The following NREP variants were observed in gnomAD, a reference collection of about 807,000 sequenced individuals.
NREP encodes neuronal regeneration related protein.
A neutral mutation model predicts 8.6 loss-of-function variants in NREP; 5 were observed. That is an observed-to-expected ratio of 0.58 (90% CI 0.30 to 1.22). The LOEUF is 1.22. Ranked by LOEUF, NREP falls within the 50% of genes most tolerant of loss-of-function variation. NREP has a pLI of 0.07. For synonymous variants in NREP, 27 were observed against 28.0 expected (o/e 0.96, Z 0.11); for missense variants, 86 against 82.5 (o/e 1.04, Z -0.17).
intron 1 of NREP, chr5:111,975,508 T>C (rs959870148): frequency 7.6e-6 from 5 of 655,422 alleles, no homozygotes; most frequent in African/African-American, 7.3e-5. Context: ...GGACACTGAC[T>C]GGCCAGGGTA....
chr5:111,865,138 T>G (rs1486418400), intron 2 of NREP, among the ~76,000 whole-genome samples: 1 of 152,126 alleles, frequency 6.6e-6, no homozygotes, highest in Non-Finnish European at 1.5e-5. Context: ...GTTCTCCCAG[T>G]GCTAAAGTGT....
intron 2 of NREP, among the ~76,000 whole-genome samples, chr5:111,751,086 T>A (rs1431425512): frequency 6.6e-6 from 1 of 152,192 alleles, no homozygotes; most frequent in African/African-American, 2.4e-5. Context: ...ATTAAAAAAA[T>A]TCAACTTAAT....
chr5:111,834,112 T>G (rs1752838620), intron 2 of NREP, among the ~76,000 whole-genome samples: 1 of 152,166 alleles, frequency 6.6e-6, no homozygotes, highest in Admixed American at 6.6e-5. Context: ...AGTAGAAAAC[T>G]AGAGCAAATG....
At chr5:111,866,582 T>G (rs2112489327) in intron 2 of NREP, among the ~76,000 whole-genome samples, 1 of 152,300 alleles carries the variant, frequency 6.6e-6, no homozygotes, top group African/African-American at 2.4e-5. Flanking sequence ...TGGAAGTCGG[T>G]GTGGCAATTC....
intron 2 of NREP, among the ~76,000 whole-genome samples, chr5:111,885,102 A>G (rs1452644389): frequency 1.3e-5 from 2 of 152,186 alleles, no homozygotes; most frequent in Admixed American, 6.5e-5. Context: ...AAATCTCCTT[A>G]AGCTGATAAG....
At chr5:111,732,579 C>G (rs1253311412) in intron 3 of NREP, 2 of 150,174 alleles carry the variant, frequency 1.3e-5, no homozygotes, top group Non-Finnish European at 2.9e-5. Context: ...GATTCAATTT[C>G]CAAAAGCATA....
intron 2 of NREP, among the ~76,000 whole-genome samples, chr5:111,803,926 TAA>T (rs1752075663): frequency 1.3e-5 from 2 of 152,326 alleles, no homozygotes; most frequent in African/African-American, 4.8e-5. Context: ...ATTAGGAGAA[TAA>T]AGTCATGAAC....
At chr5:111,963,929 T>G (rs774282864) in intron 2 of NREP, among the ~76,000 whole-genome samples, 15 of 152,186 alleles carry the variant, frequency 9.9e-5, no homozygotes, top group Non-Finnish European at 1.9e-4. Flanking sequence ...TCTATTGAAG[T>G]AATACCAATG....
At chr5:111,758,115 C>T (rs1255110551), upstream of NREP, 3 of 985,378 alleles carry the variant, frequency 3.0e-6, no homozygotes, top group African/African-American at 5.2e-5. Context: ...TCGGGTCGGA[C>T]CCTGCCCCTC....
intron 2 of NREP, among the ~76,000 whole-genome samples, chr5:111,823,523 G>A (rs1752555769): frequency 6.6e-6 from 1 of 152,022 alleles, no homozygotes; most frequent in Non-Finnish European, 1.5e-5. Context: ...TGTTAAAATA[G>A]AATGATATAA....
intron 2 of NREP, among the ~76,000 whole-genome samples, chr5:111,958,526 T>G (rs1756390985): frequency 6.6e-6 from 1 of 151,940 alleles, no homozygotes; most frequent in Non-Finnish European, 1.5e-5. Context: ...TATACTTATT[T>G]TTACACTTAA....
intron 2 of NREP, among the ~76,000 whole-genome samples, chr5:111,898,315 T>G (rs1237715904): frequency 2.6e-5 from 4 of 151,966 alleles, no homozygotes; most frequent in African/African-American, 9.7e-5. Flanking sequence ...GGTAAAAAAA[T>G]TAAAAAGACT....
intron 2 of NREP, among the ~76,000 whole-genome samples, chr5:111,762,930 G>T (rs777344986): frequency 6.6e-6 from 1 of 152,174 alleles, no homozygotes; most frequent in Admixed American, 6.6e-5. Flanking sequence ...GAAGTTATAC[G>T]TCCAGGGCTT....
intron 2 of NREP, among the ~76,000 whole-genome samples, chr5:111,753,116 T>C (rs1029359700): frequency 4.0e-5 from 6 of 151,184 alleles, no homozygotes; most frequent in Admixed American, 2.0e-4. Context: ...AAACAAAAAG[T>C]TGGAGAATGA....
intron 2 of NREP, among the ~76,000 whole-genome samples, chr5:111,843,271 A>T (rs1429744023): frequency 6.6e-6 from 1 of 151,484 alleles, no homozygotes; most frequent in Non-Finnish European, 1.5e-5. Context: ...GGTTATTTTA[A>T]ATGTCCTTTC....
chr5:111,761,019 A>C (rs1376763975), upstream of NREP, among the ~76,000 whole-genome samples: 1 of 152,186 alleles, frequency 6.6e-6, no homozygotes, highest in African/African-American at 2.4e-5. Context: ...TCTGAGTTCC[A>C]GGTGAAAGGT....
rs114480900 is a variant in NREP, at chr5:111,916,326, G to A, written c.135+58948C>T. ...TTGAACCCCAGAAGTGGAACTTTGCGGCCTCTGCTGAGCCCTCCAAGCTAC... is the reference window on the plus strand; with the variant it reads ...TTGAACCCCAGAAGTGGAACTTTGCAGCCTCTGCTGAGCCCTCCAAGCTAC... On this transcript the variant is annotated intron_variant, in intron 2 of 3. Coordinates refer to the NREP transcript ENST00000395634. Among the ~76,000 whole-genome samples, 732 of 151,610 alleles carry A rather than the reference G, an allele frequency of 4.8e-3. 10 individuals are homozygous for A. Among genetic ancestry groups the A allele is most frequent in the African/African-American group, 0.017 (695 of 41,344 alleles).
At chr5:111,892,142 T>C (rs755035727) in intron 2 of NREP, among the ~76,000 whole-genome samples, 1 of 151,996 alleles carries the variant, frequency 6.6e-6, no homozygotes, top group East Asian at 1.9e-4. Flanking sequence ...TAACACAAAA[T>C]AGTGCATATT....
intron 2 of NREP, among the ~76,000 whole-genome samples, chr5:111,954,596 T>C (rs902067457): frequency 1.3e-5 from 2 of 152,032 alleles, no homozygotes; most frequent in African/African-American, 2.4e-5. Context: ...GATTGGAAAA[T>C]AACATTTTCT....
Sources: allele counts gnomAD v4.1 joint callset (sites outside exome capture counted in the v4.1 genomes callset), GRCh38; gene constraint gnomAD v4.1.1; transcripts MANE v1.5; gene names NCBI Gene and HGNC (gene_info 2026-07-23, HGNC 2026-07-21).